The following RASGRP3 variants were observed in gnomAD, a reference collection of about 807,000 sequenced individuals.
RASGRP3 encodes the protein ras guanyl-releasing protein 3.
In RASGRP3, 54 loss-of-function variants were observed where a neutral mutation model predicts 82.7. That is an observed-to-expected ratio of 0.65 (90% CI 0.52 to 0.82). The LOEUF (loss-of-function observed/expected upper bound fraction) is 0.82. Among genes scored for constraint, RASGRP3 ranks in the 40% least tolerant of loss-of-function variants. The pLI is 0.00. For synonymous variants in RASGRP3, 309 were observed against 300.5 expected, an observed-to-expected ratio of 1.03 and a Z score of -0.29; for missense variants, 861 against 828.9, an observed-to-expected ratio of 1.04 and a Z score of -0.48.
At chr2:33,437,185 A>C (rs1664972856) in intron 1 of RASGRP3, among the ~76,000 whole-genome samples, 1 of 152,218 alleles carries the variant, frequency 6.6e-6, no homozygotes, top group Admixed American at 6.5e-5. Context: ...GAAAGTGTTC[A>C]TAGTAGTTAT....
chr2:33,480,602 G>A (rs1430278122), intron 1 of RASGRP3, among the ~76,000 whole-genome samples: 1 of 152,160 alleles, frequency 6.6e-6, no homozygotes. Context: ...AAAATAAAAT[G>A]CTTGATTCGT....
chr2:33,474,187 G>T (rs1667223827), upstream of RASGRP3, among the ~76,000 whole-genome samples: 1 of 152,104 alleles, frequency 6.6e-6, no homozygotes. Flanking sequence ...TTTGGATGTT[G>T]TGCCCACCCA....
intron 1 of RASGRP3, among the ~76,000 whole-genome samples, chr2:33,488,429 A>G (rs1308927278): frequency 1.3e-5 from 2 of 152,220 alleles, no homozygotes; most frequent in South Asian, 2.1e-4. Context: ...GTAAAAAGGT[A>G]ATGCTTTCTA....
chr2:33,514,194 T>C (rs1358906787), intron 2 of RASGRP3, among the ~76,000 whole-genome samples: 2 of 152,220 alleles, frequency 1.3e-5, no homozygotes, highest in South Asian at 2.1e-4. Context: ...TTTTTACCAC[T>C]GCAGAGAATA....
chr2:33,449,274 C>T (rs1665659932), intron 2 of RASGRP3, among the ~76,000 whole-genome samples: 1 of 152,162 alleles, frequency 6.6e-6, no homozygotes, highest in African/African-American at 2.4e-5. Context: ...TGCAGAGTTA[C>T]CTTGCATATA....
chr2:33,519,387 T>A (rs533597867), intron 4 of RASGRP3, among the ~76,000 whole-genome samples: 1 of 152,036 alleles, frequency 6.6e-6, no homozygotes, highest in Non-Finnish European at 1.5e-5. Context: ...GAGGCCGAGG[T>A]GGGCGGATCA....
At chr2:33,446,469 AT>A (rs932894452) in intron 1 of RASGRP3, among the ~76,000 whole-genome samples, 6 of 136,082 alleles carry the variant, frequency 4.4e-5, no homozygotes, top group South Asian at 2.5e-4. Flanking sequence ...AAGTAGGGCA[AT>A]TTTTTTTGGA....
At chr2:33,542,764 A>G (rs972518690) in intron 12 of RASGRP3, among the ~76,000 whole-genome samples, 1 of 120,936 alleles carries the variant, frequency 8.3e-6, no homozygotes, top group African/African-American at 2.6e-5. Context: ...GCTCACTGCA[A>G]CCTCCTCCTC....
intron 1 of RASGRP3, among the ~76,000 whole-genome samples, chr2:33,496,897 T>C (rs1213408173): frequency 6.6e-6 from 1 of 152,108 alleles, no homozygotes; most frequent in Non-Finnish European, 1.5e-5. Context: ...AACAAACCCC[T>C]ACTCCCATCA....
rs140431892 is a variant in RASGRP3, at chr2:33,539,289, ATC to A, written c.1278+81_1278+82del. 219 of 1,192,632 alleles carry A rather than the reference ATC, an allele frequency of 1.8e-4. 2 individuals carry two copies. The African/African-American group carries it at 3.1e-3, about 17-fold the overall frequency. 73.9% of individuals were successfully genotyped at this position (1,192,632 alleles called of 1,614,324 possible). ...CAGAATGTTCTGCGATTGTCCAGGA[ATC>A]TGATGGAACCCCTGAAAACAACCCT... On this transcript the variant is annotated intron_variant, in intron 12 of 17. Coordinates refer to ENST00000403687, the MANE Select transcript of RASGRP3 (RefSeq NM_001139488.2).
intron 1 of RASGRP3, among the ~76,000 whole-genome samples, chr2:33,479,624 G>A (rs1299240862): frequency 1.3e-5 from 2 of 152,154 alleles, no homozygotes; most frequent in African/African-American, 4.8e-5. Context: ...TGAGGGAGGA[G>A]AGGTATGCTT....
chr2:33,531,962 G>T (rs1212329331), intron 10 of RASGRP3: 3 of 152,146 alleles, frequency 2.0e-5, no homozygotes, highest in Non-Finnish European at 4.4e-5. Flanking sequence ...CTGATAACAG[G>T]GAATTCAGAA....
chr2:33,465,394 C>G (rs1438708891), intron 2 of RASGRP3, among the ~76,000 whole-genome samples: 1 of 152,100 alleles, frequency 6.6e-6, no homozygotes, highest in African/African-American at 2.4e-5. Flanking sequence ...AACACTATCT[C>G]CATAACATAA....
chr2:33,470,482 C>G (rs1188133652), intron 2 of RASGRP3, among the ~76,000 whole-genome samples: 1 of 151,654 alleles, frequency 6.6e-6, no homozygotes, highest in Non-Finnish European at 1.5e-5. Context: ...CGGGTTCACG[C>G]CATTTTCCTG....
At chr2:33,438,678 T>C (rs1285114941) in intron 1 of RASGRP3, among the ~76,000 whole-genome samples, 1 of 152,196 alleles carries the variant, frequency 6.6e-6, no homozygotes, top group Non-Finnish European at 1.5e-5. Flanking sequence ...ATCTACAAGT[T>C]GCTGAGAACA....
intron 1 of RASGRP3, among the ~76,000 whole-genome samples, chr2:33,499,047 T>C (rs1309682853): frequency 6.6e-6 from 1 of 152,152 alleles, no homozygotes; most frequent in African/African-American, 2.4e-5. Flanking sequence ...CCTGTTAATA[T>C]AAAAGAAATA....
At chr2:33,514,278 A>G (rs948739517) in intron 2 of RASGRP3, among the ~76,000 whole-genome samples, 4 of 152,266 alleles carry the variant, frequency 2.6e-5, no homozygotes, top group African/African-American at 7.2e-5. Flanking sequence ...GTTTATAAAT[A>G]TATTTGCTTC....
intron 2 of RASGRP3, among the ~76,000 whole-genome samples, chr2:33,512,662 A>G (rs532942735): frequency 6.6e-6 from 1 of 152,246 alleles, no homozygotes; most frequent in Admixed American, 6.5e-5. Flanking sequence ...AATGTATGGT[A>G]TCTATACACA....
intron 1 of RASGRP3, among the ~76,000 whole-genome samples, chr2:33,497,598 A>G (rs908192351): frequency 5.3e-5 from 8 of 152,230 alleles, no homozygotes; most frequent in Non-Finnish European, 1.2e-4. Context: ...CAATGTCCAG[A>G]CTTGGATCCC....
Sources: allele counts gnomAD v4.1 joint callset (sites outside exome capture counted in the v4.1 genomes callset), GRCh38; gene constraint gnomAD v4.1.1; transcripts MANE v1.5; gene names NCBI Gene and HGNC (gene_info 2026-07-23, HGNC 2026-07-21).